Variants in CEP63 observed in about 807,000 individuals in gnomAD.
The protein encoded by CEP63 is centrosomal protein of 63 kDa.
In CEP63, 84 loss-of-function variants were observed where a neutral mutation model predicts 89.1. The observed-to-expected ratio is 0.94, with a 90% CI of 0.79 to 1.13. The LOEUF (loss-of-function observed/expected upper bound fraction) is 1.13, where lower values mean the gene tolerates loss of function less well. Ranked by LOEUF, CEP63 falls within the 50% of genes most tolerant of loss-of-function variation. The pLI, the probability that CEP63 is intolerant of heterozygous loss-of-function variation, is 0.00. For synonymous variants in CEP63, 267 were observed against 272.5 expected, an observed-to-expected ratio of 0.98 and a Z score of 0.20; for missense variants, 838 against 813.3, an observed-to-expected ratio of 1.03 and a Z score of -0.37.
the CEP63 span, among the ~76,000 whole-genome samples, chr3:134,771,289 T>C: frequency 6.6e-6 from 1 of 152,200 alleles, no homozygotes; most frequent in Non-Finnish European, 1.5e-5. Context: ...TAAAAAAGGA[T>C]GAGTTCATAT....
the CEP63 span, among the ~76,000 whole-genome samples, chr3:134,652,115 T>C: frequency 6.6e-6 from 1 of 152,126 alleles, no homozygotes; most frequent in South Asian, 2.1e-4. Flanking sequence ...GCTCCATCAC[T>C]TCCTGGCTGT....
the CEP63 span, among the ~76,000 whole-genome samples, chr3:134,613,446 C>T: frequency 6.6e-6 from 1 of 152,114 alleles, no homozygotes; most frequent in South Asian, 2.1e-4. Flanking sequence ...GCAGGGATGT[C>T]CACCTGTACT....
At position 134,559,267 on chromosome 3, in the gene CEP63, C is replaced by T. The variant is rs1171496537; in HGVS notation, c.1791C>T (p.Ser597=). The change falls in exon 14 of 15, where the codon AGC becomes AGT. Residue 597 remains serine (S), a synonymous_variant. Transcript: ENST00000675561. Reference sequence around the variant, plus strand: ...TAAACCCCATGTCTAGGGTGCTAAGCCCCCTGAGTCCTCAAATCAGCCCTT... The same window carrying T: ...TAAACCCCATGTCTAGGGTGCTAAGTCCCCTGAGTCCTCAAATCAGCCCTT... ...DSINPMSRVL[S]PLSPQISPCS... is the part of the protein sequence containing the mutation. 2 of 1,614,044 alleles carry T rather than the reference C, an allele frequency of 1.2e-6. No individual in the cohort carries two copies. The highest frequency in any genetic ancestry group is 2.7e-5 in the African/African-American group (2 of 74,930).
chr3:134,759,961 T>C, the CEP63 span, among the ~76,000 whole-genome samples: 1 of 152,198 alleles, frequency 6.6e-6, no homozygotes, highest in African/African-American at 2.4e-5. Flanking sequence ...AAAACAGAAT[T>C]AGAACCCGTG....
At chr3:134,499,942 G>C (rs1316370166) in intron 2 of CEP63, among the ~76,000 whole-genome samples, 1 of 149,098 alleles carries the variant, frequency 6.7e-6, no homozygotes, top group East Asian at 2.0e-4. Context: ...TCCTGTCTCA[G>C]CCTTGCAAGT....
chr3:134,578,390 G>A (rs2110319293), downstream of CEP63, among the ~76,000 whole-genome samples: 1 of 145,204 alleles, frequency 6.9e-6, no homozygotes, highest in Admixed American at 7.0e-5. Flanking sequence ...GAGTGCAGTG[G>A]TGCGATCTCA....
chr3:134,660,674 G>C, the CEP63 span, among the ~76,000 whole-genome samples: 2 of 152,160 alleles, frequency 1.3e-5, no homozygotes, highest in African/African-American at 4.8e-5. Flanking sequence ...AGGAGCTCTC[G>C]ATTTAGTGAG....
At chr3:134,514,189 GA>G (rs1408840396) in intron 3 of CEP63, among the ~76,000 whole-genome samples, 2 of 152,094 alleles carry the variant, frequency 1.3e-5, no homozygotes, top group Admixed American at 1.3e-4. Context: ...GGAAATTTTA[GA>G]ATTGAAAAAT....
chr3:134,682,427 G>C, the CEP63 span, among the ~76,000 whole-genome samples: 1 of 152,192 alleles, frequency 6.6e-6, no homozygotes, highest in Non-Finnish European at 1.5e-5. Flanking sequence ...CTAGGGCCCT[G>C]TAAGCCAATA....
At chr3:134,507,977 G>T (rs138421787) in intron 3 of CEP63, among the ~76,000 whole-genome samples, 3 of 152,284 alleles carry the variant, frequency 2.0e-5, no homozygotes, top group African/African-American at 7.2e-5. Flanking sequence ...ATCTCAGAAG[G>T]ATTGGAAGAG....
chr3:134,778,097 C>CTT, the CEP63 span, among the ~76,000 whole-genome samples: 1 of 132,402 alleles, frequency 7.6e-6, no homozygotes, highest in Non-Finnish European at 1.6e-5. Flanking sequence ...TTCCACGTCA[C>CTT]TTTTTTTTTT....
At chr3:134,667,163 G>T in the CEP63 span, among the ~76,000 whole-genome samples, 3 of 152,022 alleles carry the variant, frequency 2.0e-5, no homozygotes, top group Admixed American at 1.3e-4. Flanking sequence ...CCTTCATACC[G>T]CTGGCCCAGA....
intron 6 of CEP63, among the ~76,000 whole-genome samples, chr3:134,545,080 A>G (rs7374421): frequency 1 from 152,031 of 152,226 alleles, 75,919 homozygotes; most frequent in Non-Finnish European, 1. Context: ...TGCAACCTCC[A>G]ACTCCCTGGT....
At chr3:134,716,161 G>C in the CEP63 span, among the ~76,000 whole-genome samples, 3 of 152,018 alleles carry the variant, frequency 2.0e-5, no homozygotes, top group Non-Finnish European at 4.4e-5. Flanking sequence ...ATTTGAATTT[G>C]TTTTATAAGA....
At chr3:134,493,954 G>A (rs1938679032) in intron 1 of CEP63, among the ~76,000 whole-genome samples, 1 of 152,026 alleles carries the variant, frequency 6.6e-6, no homozygotes, top group African/African-American at 2.4e-5. Context: ...AATGAAAAGT[G>A]GTTTGACATT....
At chr3:134,751,973 G>T in the CEP63 span, among the ~76,000 whole-genome samples, 8 of 152,104 alleles carry the variant, frequency 5.3e-5, no homozygotes, top group African/African-American at 1.9e-4. Flanking sequence ...CTAGAAGATG[G>T]AGCTCCTTGT....
the CEP63 span, chr3:134,643,307 A>C: frequency 6.2e-7 from 1 of 1,613,704 alleles, no homozygotes; most frequent in Non-Finnish European, 8.5e-7. Context: ...CTAGCGGCGA[A>C]TCACTTACCT....
chr3:134,686,029 T>G, the CEP63 span, among the ~76,000 whole-genome samples: 2 of 152,176 alleles, frequency 1.3e-5, no homozygotes, highest in Non-Finnish European at 2.9e-5. Context: ...AGGGCTGGGG[T>G]CCAAGCCCTG....
intron 6 of CEP63, among the ~76,000 whole-genome samples, chr3:134,540,247 A>G (rs750942721): frequency 3.2e-4 from 48 of 152,328 alleles, no homozygotes; most frequent in Admixed American, 1.6e-3. Context: ...TAAATATGAC[A>G]TGTCAACAGA....
Sources: gnomAD v4.1 joint callset for allele counts (sites outside exome capture counted in the v4.1 genomes callset) on GRCh38, gnomAD v4.1.1 for gene constraint, MANE v1.5 for transcripts, NCBI Gene and HGNC (gene_info 2026-07-23, HGNC 2026-07-21) for gene names.